The following ROCK1 variants were observed in gnomAD, a reference collection of about 807,000 sequenced individuals.
ROCK1 encodes the protein Rho associated coiled-coil containing protein kinase 1.
In ROCK1, 36 loss-of-function variants were observed where a neutral mutation model predicts 196.8. The observed-to-expected ratio is 0.18, with a 90% CI of 0.14 to 0.24. The LOEUF (loss-of-function observed/expected upper bound fraction) is 0.24, where lower values mean the gene tolerates loss of function less well. ROCK1 is among the 10% of genes least tolerant of loss of function. The pLI, the probability that ROCK1 is intolerant of heterozygous loss-of-function variation, is 1.00. For missense variants in ROCK1, 920 were observed against 1,562.0 expected (o/e 0.59, Z 6.93); for synonymous variants, 443 against 515.9 (o/e 0.86, Z 1.91).
At chr18:21,088,832 G>A (rs1203934039) in intron 1 of ROCK1, among the ~76,000 whole-genome samples, 2 of 152,082 alleles carry the variant, frequency 1.3e-5, no homozygotes, top group Admixed American at 6.6e-5. Context: ...CAGCTTTCCA[G>A]GCACCTTCTT....
chr18:20,977,114 C>T (rs951792541), intron 22 of ROCK1, among the ~76,000 whole-genome samples: 48 of 152,290 alleles, frequency 3.2e-4, no homozygotes, highest in African/African-American at 1.1e-3. Flanking sequence ...TACTTCAATT[C>T]ATTCTCCACT....
intron 16 of ROCK1, among the ~76,000 whole-genome samples, chr18:20,994,237 T>C (rs1427247990): frequency 6.6e-6 from 1 of 151,908 alleles, no homozygotes; most frequent in African/African-American, 2.4e-5. Flanking sequence ...AAATACAGAG[T>C]ATATGTGTGT....
intron 1 of ROCK1, among the ~76,000 whole-genome samples, chr18:21,086,372 A>G (rs758189714): frequency 1.3e-5 from 2 of 152,216 alleles, no homozygotes; most frequent in African/African-American, 2.4e-5. Flanking sequence ...TAGGCATCCC[A>G]AAGTGCTGAG....
chr18:20,971,663 CAAAAATAA>C (rs955814591), intron 22 of ROCK1, among the ~76,000 whole-genome samples: 2 of 114,878 alleles, frequency 1.7e-5, no homozygotes, highest in East Asian at 2.4e-4. Flanking sequence ...GACTCCGTCT[CAAAAATAA>C]ATAAATAAAT....
intron 19 of ROCK1, 38 bp from the exon 20 acceptor site, chr18:20,984,573 T>TA (rs1275269865): frequency 4.8e-6 from 7 of 1,471,224 alleles, no homozygotes; most frequent in Non-Finnish European, 6.5e-6. Flanking sequence ...TTAAATCTCT[T>TA]AAATAATTTA....
At position 21,046,310 on chromosome 18, in the gene ROCK1, T is replaced by C. The variant is rs144754005; in HGVS notation, c.415-843A>G. Among the ~76,000 whole-genome samples, 12 of 152,320 alleles carry C rather than the reference T, an allele frequency of 7.9e-5. No homozygotes were observed. The East Asian group carries it at 2.1e-3, about 27-fold the overall frequency. ...AAAACACTGTAAGGACTATACTTCG[T>C]TTAACTTTTATACCTGCTGCTTAGT... On this transcript the variant is annotated intron_variant, in intron 4 of 32. Transcript: ENST00000399799.
intron 2 of ROCK1, among the ~76,000 whole-genome samples, chr18:21,059,945 G>A (rs1024193203): frequency 3.9e-5 from 6 of 152,200 alleles, no homozygotes; most frequent in African/African-American, 1.4e-4. Context: ...CCATTTTATT[G>A]ATGATTCCTT....
intron 9 of ROCK1, among the ~76,000 whole-genome samples, chr18:21,031,497 T>C (rs185379737): frequency 7.5e-5 from 11 of 146,384 alleles, no homozygotes; most frequent in Admixed American, 7.0e-4. Flanking sequence ...CCCAGCTACT[T>C]GGGAGGCTGA....
chr18:21,082,105 G>A (rs1459159123), intron 1 of ROCK1, among the ~76,000 whole-genome samples: 1 of 151,668 alleles, frequency 6.6e-6, no homozygotes, highest in Non-Finnish European at 1.5e-5. Flanking sequence ...AACCACACCT[G>A]GTTAATTTTT....
At chr18:21,046,334 G>T (rs1233339919) in intron 4 of ROCK1, among the ~76,000 whole-genome samples, 2 of 152,216 alleles carry the variant, frequency 1.3e-5, no homozygotes, top group Non-Finnish European at 2.9e-5. Context: ...CTGCTGCTTA[G>T]TCAAGTATCC....
intron 1 of ROCK1, among the ~76,000 whole-genome samples, chr18:21,087,802 T>A (rs2036539761): frequency 6.6e-6 from 1 of 152,162 alleles, no homozygotes; most frequent in Admixed American, 6.5e-5. Context: ...ACACAATTAA[T>A]CAACAAGATC....
intron 1 of ROCK1, among the ~76,000 whole-genome samples, chr18:21,077,823 G>A (rs1229224532): frequency 6.6e-6 from 1 of 152,156 alleles, no homozygotes; most frequent in Non-Finnish European, 1.5e-5. Context: ...AAGACTGAGA[G>A]GTGGTTCTCT....
intron 12 of ROCK1, among the ~76,000 whole-genome samples, chr18:21,016,109 G>C (rs1281565737): frequency 6.6e-6 from 1 of 152,056 alleles, no homozygotes; most frequent in Non-Finnish European, 1.5e-5. Context: ...TGATTTCAAA[G>C]TATTGATGAG....
chr18:20,981,267 G>A (rs1282413806), intron 21 of ROCK1, among the ~76,000 whole-genome samples: 2 of 151,666 alleles, frequency 1.3e-5, no homozygotes, highest in African/African-American at 2.4e-5. Context: ...GGTGGCGGGC[G>A]CCTGTAGTTC....
At chr18:20,984,219 A>T in intron 20 of ROCK1, 132 bp downstream of exon 20, 1 of 666,784 alleles carries the variant, frequency 1.5e-6, no homozygotes, top group Non-Finnish European at 2.4e-6. Flanking sequence ...AAATTCTTTT[A>T]CTTCTAAATA....
chr18:21,042,439 G>C, intron 7 of ROCK1, 126 bp downstream of exon 7: 1 of 1,160,108 alleles, frequency 8.6e-7, no homozygotes, highest in Non-Finnish European at 1.2e-6. Context: ...AGCAGGTTTG[G>C]ATCATGTTTA....
chr18:20,987,964 C>T (rs1323083080), intron 18 of ROCK1, among the ~76,000 whole-genome samples: 1 of 152,122 alleles, frequency 6.6e-6, no homozygotes, highest in African/African-American at 2.4e-5. Context: ...TTAACATCTC[C>T]ACCTAGATAT....
chr18:20,986,314 C>T lies in ROCK1; in HGVS notation c.2304+636G>A, dbSNP rs2035578009. 2.6e-5 allele frequency among the ~76,000 whole-genome samples: 4 copies of T among 152,236 alleles called. No homozygotes were observed. The South Asian group carries it at 8.3e-4, about 31-fold the overall frequency. ...CATCTTCTTATCCAGCCGGTACTCA[C>T]TTTATTATCCATCTCTTTACTGATA... On this transcript the variant is annotated intron_variant, in intron 19 of 32. Transcript: ENST00000399799.
intron 14 of ROCK1, among the ~76,000 whole-genome samples, chr18:21,007,787 C>G (rs1489668734): frequency 6.6e-6 from 1 of 152,170 alleles, no homozygotes; most frequent in Non-Finnish European, 1.5e-5. Flanking sequence ...CATCAGTACT[C>G]TTTAAAGCTT....
Sources: gnomAD v4.1 joint callset for allele counts (sites outside exome capture counted in the v4.1 genomes callset) on GRCh38, gnomAD v4.1.1 for gene constraint, MANE v1.5 for transcripts, NCBI Gene and HGNC (gene_info 2026-07-23, HGNC 2026-07-21) for gene names.